ESRRB: variants seen among roughly 807,000 people sequenced by gnomAD.
ESRRB encodes steroid hormone receptor ERR2.
Under a neutral mutation model 46.0 loss-of-function variants are expected in ESRRB, and 16 were observed. The observed-to-expected ratio is 0.35, with a 90% confidence interval of 0.24 to 0.53. The LOEUF (loss-of-function observed/expected upper bound fraction) is 0.53, where lower values mean the gene tolerates loss of function less well. Among genes scored for constraint, ESRRB ranks in the 20% least tolerant of loss-of-function variants. The probability of loss-of-function intolerance (pLI) is 0.93; values close to 1 mark genes in which losing one functional copy is unlikely to be tolerated. For missense variants in ESRRB, 488 were observed against 607.4 expected (o/e 0.80, Z 2.07); for synonymous variants, 246 against 259.6 (o/e 0.95, Z 0.50).
intron 5 of ESRRB, among the ~76,000 whole-genome samples, chr14:76,485,838 G>T (rs577140078): frequency 6.6e-6 from 1 of 152,136 alleles, no homozygotes; most frequent in African/African-American, 2.4e-5. Context: ...GTCCTTAAAC[G>T]CAAGGTACCG....
At chr14:76,463,019 G>A (rs894153040) in intron 3 of ESRRB, among the ~76,000 whole-genome samples, 1 of 152,218 alleles carries the variant, frequency 6.6e-6, no homozygotes, top group Non-Finnish European at 1.5e-5. Context: ...GGGCTTGGGG[G>A]TGAAAAGGAC....
At chr14:76,464,515 G>A (rs1159697781) in intron 3 of ESRRB, among the ~76,000 whole-genome samples, 1 of 152,182 alleles carries the variant, frequency 6.6e-6, no homozygotes, top group Non-Finnish European at 1.5e-5. Flanking sequence ...CGGCCTTTGT[G>A]TCGACATGGC....
At chr14:76,463,694 G>A (rs1048470263) in intron 3 of ESRRB, among the ~76,000 whole-genome samples, 4 of 151,856 alleles carry the variant, frequency 2.6e-5, no homozygotes, top group Non-Finnish European at 2.9e-5. Context: ...TGATCTGCCC[G>A]TCTCAGCCTC....
chr14:76,490,625 C>G (rs1398588086), intron 5 of ESRRB, among the ~76,000 whole-genome samples: 1 of 152,208 alleles, frequency 6.6e-6, no homozygotes, highest in Non-Finnish European at 1.5e-5. Flanking sequence ...CCCAGGCAAT[C>G]CCCACAGTTC....
At position 76,347,414 on chromosome 14, in the gene ESRRB, A is replaced by AGTGTGTGTGTGTGT. The variant is rs34971102; in HGVS notation, c.2+36505_2+36518dup. ...AAATGGGGACAGTATTTGCTCATGA[A>AGTGTGTGTGTGTGT]GTGTGTGTGTGTGTGTGTGTCACAC... is the stretch of plus-strand genomic sequence containing the variant. On this transcript the variant is annotated intron_variant, in intron 1 of 6. Transcript: ENST00000512784. Among the ~76,000 whole-genome samples, 578 of 96,210 alleles carry AGTGTGTGTGTGTGT rather than the reference A, an allele frequency of 6.0e-3. 118 individuals are homozygous for AGTGTGTGTGTGTGT. Among genetic ancestry groups the AGTGTGTGTGTGTGT allele is most frequent in the African/African-American group, 0.019 (521 of 28,032 alleles). 63.1% of individuals were successfully genotyped at this position (96,210 alleles called of 152,430 possible).
chr14:76,480,093 C>T (rs893880415), intron 3 of ESRRB, among the ~76,000 whole-genome samples: 8 of 152,096 alleles, frequency 5.3e-5, no homozygotes, highest in African/African-American at 1.9e-4. Flanking sequence ...ATCTTGAACT[C>T]CTGACCTCAA....
intron 1 of ESRRB, among the ~76,000 whole-genome samples, chr14:76,436,880 C>A (rs1257176542): frequency 6.6e-6 from 1 of 152,172 alleles, no homozygotes; most frequent in Non-Finnish European, 1.5e-5. Context: ...TCTTCACACA[C>A]TGCATTTTGG....
chr14:76,447,018 C>T (rs1888175126), intron 2 of ESRRB, among the ~76,000 whole-genome samples: 1 of 152,146 alleles, frequency 6.6e-6, no homozygotes, highest in African/African-American at 2.4e-5. Context: ...CTAGAACTCC[C>T]TCAGCTTCCT....
chr14:76,357,817 G>C (rs1363271720), intron 1 of ESRRB, among the ~76,000 whole-genome samples: 1 of 152,130 alleles, frequency 6.6e-6, no homozygotes, highest in Non-Finnish European at 1.5e-5. Context: ...ATTAAGCTGG[G>C]ATCGTTTTAA....
chr14:76,452,872 T>A (rs1888452712), intron 2 of ESRRB, among the ~76,000 whole-genome samples: 1 of 152,186 alleles, frequency 6.6e-6, no homozygotes, highest in South Asian at 2.1e-4. Flanking sequence ...TTGAGTTTGA[T>A]CAGTTCACAG....
chr14:76,474,109 G>C (rs950734901), intron 3 of ESRRB, among the ~76,000 whole-genome samples: 3 of 152,250 alleles, frequency 2.0e-5, no homozygotes, highest in African/African-American at 7.2e-5. Flanking sequence ...TGTTGGGGCT[G>C]TGTGCCCTGG....
upstream of ESRRB, among the ~76,000 whole-genome samples, chr14:76,375,961 AG>A (rs1325312850): frequency 7.1e-6 from 1 of 141,380 alleles, no homozygotes; most frequent in Non-Finnish European, 1.5e-5. Flanking sequence ...ACTGCTCAGG[AG>A]GTGGGGACCT....
chr14:76,481,266 T>G lies in ESRRB; in HGVS notation c.578-750T>G, dbSNP rs182604464. ...GGGGGCATGAAATGGTACCAATGTG[T>G]CTGTCCAGGCAGCAGGAGCTGTGGG... On this transcript the variant is annotated intron_variant, in intron 3 of 6. Coordinates refer to ENST00000644823, the MANE Select transcript of ESRRB (RefSeq NM_001379180.1). 2.0e-3 allele frequency among the ~76,000 whole-genome samples: 302 copies of G among 152,284 alleles called. 3 individuals are homozygous for G. The highest frequency in any genetic ancestry group is 7.1e-3 in the African/African-American group (295 of 41,564).
Position 76,498,771 on chromosome 14 carries a change from C to G in ESRRB, c.*313C>G, listed in dbSNP as rs764055438. On this transcript the variant is annotated 3_prime_UTR_variant, in exon 7 of 7. Coordinates refer to ENST00000644823, the MANE Select transcript of ESRRB (RefSeq NM_001379180.1). ...CCTTCAGGAGTGGAGGCCACTGGAG[C>G]AAGTGCCCTCTCCCCTCCACCGAGC... 3.0e-5 allele frequency: 21 copies of G among 704,146 alleles called. No individual in the cohort carries two copies. In the Admixed American group the frequency reaches 3.7e-4, roughly 12 times the overall value. 43.6% of individuals were successfully genotyped at this position (704,146 alleles called of 1,614,324 possible). A position where few individuals can be genotyped will look rare whatever the true frequency, so the allele number is the denominator to read the frequency against.
At chr14:76,441,847 C>T (rs985145019) in intron 2 of ESRRB, among the ~76,000 whole-genome samples, 2 of 152,234 alleles carry the variant, frequency 1.3e-5, no homozygotes, top group Non-Finnish European at 2.9e-5. Flanking sequence ...CCTGCCCCTG[C>T]ATCAGATCCC....
intron 1 of ESRRB, among the ~76,000 whole-genome samples, chr14:76,344,878 A>G (rs987553076): frequency 2.6e-5 from 4 of 152,004 alleles, no homozygotes; most frequent in Admixed American, 1.3e-4. Context: ...ATAGTGTCCA[A>G]TCTCATCCAG....
rs369382594 is a variant in ESRRB at position 76,498,198 on chromosome 14, G to C, written c.1121-16G>C. ...TCCCTGGCCAAGCCTGCTAATGCTC[G>C]TCCTTGTGCCTGCAGATTCCATGTA... On this transcript the variant is annotated splice_polypyrimidine_tract_variant and intron_variant, in intron 6 of 6. Coordinates refer to ENST00000644823, the MANE Select transcript of ESRRB (RefSeq NM_001379180.1). 5 of 1,613,492 alleles carry C rather than the reference G, an allele frequency of 3.1e-6. No individual in the cohort carries two copies. In the African/African-American group the frequency reaches 5.3e-5, roughly 17 times the overall value.
rs1032116609 is a variant in ESRRB at position 76,414,452 on chromosome 14, G to A, written c.51-24889G>A. 5.3e-5 allele frequency among the ~76,000 whole-genome samples: 8 copies of A among 150,966 alleles called. 1 individual carries two copies. Among genetic ancestry groups the A allele is most frequent in the Non-Finnish European group, 1.2e-4 (8 of 67,828 alleles). Reference sequence around the variant, plus strand: ...CGCAGTACCTTCTGCGTCTGATGGCGGTTTTCATTTCGGAGGGCCCTGAGT... The same window carrying A: ...CGCAGTACCTTCTGCGTCTGATGGCAGTTTTCATTTCGGAGGGCCCTGAGT... On this transcript the variant is annotated intron_variant, in intron 1 of 6. Coordinates refer to ENST00000644823, the MANE Select transcript of ESRRB (RefSeq NM_001379180.1).
chr14:76,374,844 G>A (rs1272076322), upstream of ESRRB, among the ~76,000 whole-genome samples: 1 of 152,116 alleles, frequency 6.6e-6, no homozygotes, highest in Non-Finnish European at 1.5e-5. Flanking sequence ...CAGCACATAT[G>A]AAAAATCTCA....
Sources: allele counts gnomAD v4.1 joint callset (sites outside exome capture counted in the v4.1 genomes callset), GRCh38; gene constraint gnomAD v4.1.1; transcripts MANE v1.5; gene names NCBI Gene and HGNC (gene_info 2026-07-23, HGNC 2026-07-21).